Variants in CTNNA3 observed in about 807,000 individuals in gnomAD.
CTNNA3 encodes the protein catenin alpha 3, also known as catenin alpha-3.
A neutral mutation model predicts 95.7 loss-of-function variants in CTNNA3; 76 were observed. That is an observed-to-expected ratio of 0.79 (90% CI 0.66 to 0.96). CTNNA3 has a LOEUF of 0.96. Ranked by LOEUF, CTNNA3 falls within the 40% of genes least tolerant of loss-of-function variation. The probability of loss-of-function intolerance (pLI) is 0.00; values close to 1 mark genes in which losing one functional copy is unlikely to be tolerated. For synonymous variants in CTNNA3, 431 were observed against 374.4 expected, an observed-to-expected ratio of 1.15 and a Z score of -1.74; for missense variants, 1,191 against 1,089.8, an observed-to-expected ratio of 1.09 and a Z score of -1.31.
intron 5 of CTNNA3, among the ~76,000 whole-genome samples, chr10:67,286,761 C>G (rs1839618941): frequency 6.6e-6 from 1 of 152,150 alleles, no homozygotes; most frequent in African/African-American, 2.4e-5. Flanking sequence ...AAAATTAACT[C>G]TGCATTAACT....
At chr10:67,193,465 T>A in intron 6 of CTNNA3, among the ~76,000 whole-genome samples, 1 of 151,674 alleles carries the variant, frequency 6.6e-6, no homozygotes, top group African/African-American at 2.4e-5. Context: ...AGCCTAATAC[T>A]CATTCATTAT....
intron 17 of CTNNA3, among the ~76,000 whole-genome samples, chr10:65,939,724 C>T (rs906009593): frequency 6.6e-6 from 1 of 152,048 alleles, no homozygotes; most frequent in African/African-American, 2.4e-5. Context: ...GTACATTATG[C>T]GCTCAAACTA....
intron 7 of CTNNA3, among the ~76,000 whole-genome samples, chr10:67,032,581 T>C (rs919462719): frequency 1.3e-5 from 2 of 152,186 alleles, no homozygotes; most frequent in Non-Finnish European, 2.9e-5. Context: ...CTGCCAGGTA[T>C]TAAGCATCAG....
intron 13 of CTNNA3, among the ~76,000 whole-genome samples, chr10:66,251,377 G>A (rs759390990): frequency 9.2e-5 from 14 of 151,730 alleles, no homozygotes; most frequent in East Asian, 1.9e-4. Context: ...TTTCTTAGAC[G>A]TTTGGTGATT....
chr10:66,389,492 T>C (rs2132524524), intron 11 of CTNNA3, among the ~76,000 whole-genome samples: 1 of 152,188 alleles, frequency 6.6e-6, no homozygotes, highest in African/African-American at 2.4e-5. Flanking sequence ...CTATCAATCA[T>C]TTTTATAGCC....
At chr10:66,317,128 C>CA (rs1245175431) in intron 12 of CTNNA3, among the ~76,000 whole-genome samples, 2 of 151,994 alleles carry the variant, frequency 1.3e-5, no homozygotes, top group Non-Finnish European at 2.9e-5. Flanking sequence ...GTCTAATGAT[C>CA]AGTTAGACAA....
chr10:65,942,233 A>AT (rs1031566970), intron 17 of CTNNA3, among the ~76,000 whole-genome samples: 1 of 152,216 alleles, frequency 6.6e-6, no homozygotes, highest in African/African-American at 2.4e-5. Context: ...GAACTTGGGA[A>AT]TGATTGCAAG....
intron 5 of CTNNA3, among the ~76,000 whole-genome samples, chr10:67,347,431 T>A (rs1323005206): frequency 6.6e-6 from 1 of 152,168 alleles, no homozygotes; most frequent in Non-Finnish European, 1.5e-5. Flanking sequence ...CTTGCCATTA[T>A]TTAAAGTCAC....
At chr10:66,418,356 G>A (rs182753878) in intron 11 of CTNNA3, among the ~76,000 whole-genome samples, 40 of 129,580 alleles carry the variant, frequency 3.1e-4, no homozygotes, top group Admixed American at 6.4e-4. Flanking sequence ...ACACCAAGTA[G>A]TGAAATTAAA....
At chr10:66,661,059 G>C (rs10437372) in intron 9 of CTNNA3, among the ~76,000 whole-genome samples, 99,627 of 151,906 alleles carry the variant, frequency 0.66, 33,504 homozygotes, top group East Asian at 0.95. Flanking sequence ...ATAAATTATA[G>C]CTATAATTAT....
At chr10:67,599,940 C>G (rs1478310998) in intron 3 of CTNNA3, among the ~76,000 whole-genome samples, 1 of 151,980 alleles carries the variant, frequency 6.6e-6, no homozygotes, top group Non-Finnish European at 1.5e-5. Flanking sequence ...ATTTGTATTT[C>G]AATTACTATG....
chr10:66,223,658 C>A (rs911455986), intron 13 of CTNNA3, among the ~76,000 whole-genome samples: 50 of 152,160 alleles, frequency 3.3e-4, no homozygotes, highest in African/African-American at 1.2e-3. Flanking sequence ...AGTTACCCAG[C>A]CTGTCAATTA....
intron 10 of CTNNA3, among the ~76,000 whole-genome samples, chr10:66,551,884 T>A (rs893734506): frequency 1.3e-5 from 2 of 150,184 alleles, no homozygotes; most frequent in Non-Finnish European, 3.0e-5. Context: ...GATTAGGGAA[T>A]CTTTTCTTTT....
chr10:66,289,711 C>T (rs760269056), intron 12 of CTNNA3, among the ~76,000 whole-genome samples: 1 of 151,972 alleles, frequency 6.6e-6, no homozygotes, highest in Non-Finnish European at 1.5e-5. Flanking sequence ...CTTTTTAAAG[C>T]TGAATTTCCA....
chr10:67,288,574 G>A (rs921340755), intron 5 of CTNNA3, among the ~76,000 whole-genome samples: 38 of 152,040 alleles, frequency 2.5e-4, no homozygotes, highest in African/African-American at 7.7e-4. Flanking sequence ...ACCAGCTTCC[G>A]CAACATAGTT....
intron 12 of CTNNA3, among the ~76,000 whole-genome samples, chr10:66,301,056 T>A (rs2132228267): frequency 6.6e-6 from 1 of 152,074 alleles, no homozygotes. Flanking sequence ...AACCCTATAC[T>A]CACAAATATG....
intron 5 of CTNNA3, among the ~76,000 whole-genome samples, chr10:67,287,516 A>G (rs1371857986): frequency 1.3e-5 from 2 of 152,154 alleles, no homozygotes; most frequent in Admixed American, 6.5e-5. Flanking sequence ...GTTCACCATA[A>G]AAGGTACTCC....
chr10:67,420,587 C>T (rs150028287), intron 5 of CTNNA3, among the ~76,000 whole-genome samples: 334 of 152,270 alleles, frequency 2.2e-3, no homozygotes, highest in African/African-American at 5.6e-3. Context: ...AACACACTTA[C>T]GGTGTTTCCT....
chr10:67,481,517 T>G (rs1170535031), intron 5 of CTNNA3, among the ~76,000 whole-genome samples: 1 of 152,090 alleles, frequency 6.6e-6, no homozygotes, highest in East Asian at 1.9e-4. Flanking sequence ...AAGAATGCAA[T>G]CACATTTACA....
Sources: allele counts gnomAD v4.1 joint callset (sites outside exome capture counted in the v4.1 genomes callset), GRCh38; gene constraint gnomAD v4.1.1; transcripts MANE v1.5; gene names NCBI Gene and HGNC (gene_info 2026-07-23, HGNC 2026-07-21).